DOCK5: variants seen among roughly 807,000 people sequenced by gnomAD.
DOCK5 encodes dedicator of cytokinesis protein 5.
DOCK5 carries 142 observed loss-of-function variants against 251.8 expected under a neutral mutation model. That is an observed-to-expected ratio of 0.56 (90% confidence interval 0.49 to 0.65). The LOEUF (loss-of-function observed/expected upper bound fraction) is 0.65. Among genes scored for constraint, DOCK5 ranks in the 30% least tolerant of loss-of-function variants. DOCK5 has a pLI of 0.00. For synonymous variants in DOCK5, 842 were observed against 835.5 expected, an observed-to-expected ratio of 1.01 and a Z score of -0.13; for missense variants, 2,111 against 2,312.3, an observed-to-expected ratio of 0.91 and a Z score of 1.79.
chr8:25,360,610 G>C (rs1214334050), intron 28 of DOCK5, among the ~76,000 whole-genome samples: 1 of 152,184 alleles, frequency 6.6e-6, no homozygotes, highest in East Asian at 1.9e-4. Context: ...CTCCTCATCT[G>C]TAAGATAGTA....
chr8:25,377,117 T>C (rs1800976331), intron 37 of DOCK5, among the ~76,000 whole-genome samples, 188 bp from the exon 38 acceptor site: 1 of 152,248 alleles, frequency 6.6e-6, no homozygotes, highest in Admixed American at 6.5e-5. Context: ...CTGTGAGTGC[T>C]CCTTCATTTG....
At chr8:25,226,686 C>T (rs1000288510) in intron 1 of DOCK5, among the ~76,000 whole-genome samples, 3 of 149,974 alleles carry the variant, frequency 2.0e-5, no homozygotes, top group Non-Finnish European at 3.0e-5. Context: ...CCTGGGTTCA[C>T]GCCACTCTCC....
At chr8:25,243,613 G>A in intron 1 of DOCK5, 61 bp from the exon 2 acceptor site, 2 of 1,512,814 alleles carry the variant, frequency 1.3e-6, no homozygotes, top group Non-Finnish European at 1.8e-6. Flanking sequence ...ATAGGCGTGA[G>A]CCACCGTGCC....
intron 44 of DOCK5, 74 bp downstream of exon 44, chr8:25,392,956 C>T: frequency 7.6e-7 from 1 of 1,315,296 alleles, no homozygotes; most frequent in South Asian, 1.3e-5. Context: ...TGTTGAATTC[C>T]CTCTGCAGTT....
At chr8:25,300,421 C>T (rs1409412448) in intron 8 of DOCK5, among the ~76,000 whole-genome samples, 155 bp from the exon 9 acceptor site, 1 of 152,104 alleles carries the variant, frequency 6.6e-6, no homozygotes, top group Non-Finnish European at 1.5e-5. Flanking sequence ...CTGTGTGGTC[C>T]CAGTTCCCAA....
rs1801663048 is a variant in DOCK5 at position 25,413,376 on chromosome 8, ATTAT to A, written c.*2083_*2086del. 6.6e-6 allele frequency: 1 copy of A among 151,548 alleles called. No homozygotes were observed. The highest frequency in any genetic ancestry group is 2.4e-5 in the African/African-American group (1 of 41,136). 9.4% of individuals were successfully genotyped at this position (151,548 alleles called of 1,614,324 possible). ...GGTTTCCTTTGAGGTCTTTTACATG[ATTAT>A]TTATGACTAGAGACAAACTTAATAA... On this transcript the variant is annotated 3_prime_UTR_variant, in exon 52 of 52. Coordinates refer to ENST00000276440, the MANE Select transcript of DOCK5 (RefSeq NM_024940.8).
intron 2 of DOCK5, among the ~76,000 whole-genome samples, chr8:25,249,560 T>G (rs1311467192): frequency 2.0e-5 from 3 of 152,144 alleles, no homozygotes; most frequent in Non-Finnish European, 2.9e-5. Flanking sequence ...TATGTGGTCT[T>G]TTGTGACTGG....
chr8:25,342,826 G>A (rs1800266156), intron 25 of DOCK5, among the ~76,000 whole-genome samples: 2 of 53,478 alleles, frequency 3.7e-5, no homozygotes, highest in Admixed American at 2.9e-4. Context: ...AGCCTCCCAA[G>A]TAGCTGGGAC....
At position 25,292,148 on chromosome 8, in the gene DOCK5, C is replaced by T. The variant is rs763451411; in HGVS notation, c.446C>T (p.Thr149Ile). ...CTGGCAGAGCTCAAGAAGAAAGTCA[C>T]AGCCAAAATTGATCATGGGAACAGG... ...DELAELKKKV[T>I]AKIDHGNRML... The change falls in exon 6 of 52, where the codon ACA becomes ATA. Residue 149 changes from threonine to isoleucine, a missense_variant. Thr to Ile is a moderately conservative substitution (Grantham distance 89). Coordinates refer to ENST00000276440, the MANE Select transcript of DOCK5 (RefSeq NM_024940.8). 2 of 1,581,086 alleles carry T rather than the reference C, an allele frequency of 1.3e-6. No homozygotes were observed. Among genetic ancestry groups the T allele is most frequent in the Non-Finnish European group, 1.7e-6 (2 of 1,165,212 alleles).
In DOCK5 at chr8:25,366,793, A is replaced by G. The variant is rs1007481780; in HGVS notation, c.3124-77A>G. 2.8e-6 allele frequency: 3 copies of G among 1,077,370 alleles called. 1 individual carries two copies. Among genetic ancestry groups the G allele is most frequent in the South Asian group, 1.4e-5 (1 of 69,338 alleles). 66.7% of individuals were successfully genotyped at this position (1,077,370 alleles called of 1,614,324 possible). A position where few individuals can be genotyped will look rare whatever the true frequency, so the allele number is the denominator to read the frequency against. On this transcript the variant is annotated intron_variant, in intron 30 of 51. Transcript: ENST00000276440. Reference sequence around the variant, plus strand: ...AATCTCTTGTTAATGACTTTTTACCATGTGACATTGTTTTATTATGGCCCT... The same window carrying G: ...AATCTCTTGTTAATGACTTTTTACCGTGTGACATTGTTTTATTATGGCCCT...
Position 25,359,057 on chromosome 8 carries a change from T to A in DOCK5, c.2945T>A (p.Ile982Asn). The change falls in exon 28 of 52, where the codon ATC (isoleucine) becomes AAC (asparagine). Residue 982 changes from isoleucine to asparagine, a missense_variant. Physicochemically the swap from Ile to Asn is moderately radical, Grantham distance 149. Around this residue, in one of 3 missense-constraint regions of DOCK5, gnomAD observed 1,717 missense variants for 1,892.4 expected, o/e 0.91. Coordinates refer to ENST00000276440, the MANE Select transcript of DOCK5 (RefSeq NM_024940.8). ...YISTFKTRQD[I>N]IDFLMETFIM... ...AGCACTTTCAAAACCAGACAAGACA[T>A]CATCGTAAGTTGCCTTTACTGGTCC... The A allele has an allele frequency of 1.2e-6, 2 of 1,613,696 alleles. No homozygotes were observed. The highest frequency in any genetic ancestry group is 1.7e-6 in the Non-Finnish European group (2 of 1,179,644).
In DOCK5 at chr8:25,302,454, G is replaced by C; in HGVS notation, c.976G>C (p.Val326Leu). 1 of 1,553,178 alleles carries C rather than the reference G, an allele frequency of 6.4e-7. No individual in the cohort carries two copies. The highest frequency in any genetic ancestry group is 1.2e-5 in the South Asian group (1 of 83,638). ...ACTCCGAAGACCTTTTGGAGTGGCAGGTACAAGAGAGACCCAGAGACAAAT... is the reference window on the plus strand; with the variant it reads ...ACTCCGAAGACCTTTTGGAGTGGCACGTACAAGAGAGACCCAGAGACAAAT... ...CGLRRPFGVA[V>L]MDITDIIHGK... The change falls in exon 10 of 52, where the codon GTG becomes CTG. Residue 326 changes from valine to leucine, a missense_variant and splice_region_variant. Val to Leu is a conservative substitution (Grantham distance 32, BLOSUM62 1). This residue lies in a region of DOCK5 where 59 missense variants were observed against 95.0 expected (regional missense o/e 0.62). Transcript: ENST00000276440.
intron 28 of DOCK5, among the ~76,000 whole-genome samples, chr8:25,361,331 C>T (rs1228980788): frequency 2.0e-5 from 3 of 152,014 alleles, no homozygotes; most frequent in Non-Finnish European, 2.9e-5. Context: ...ATAATGAGGC[C>T]GGATGTGGTG....
At chr8:25,196,286 G>A (rs1411078800) in intron 1 of DOCK5, among the ~76,000 whole-genome samples, 1 of 152,186 alleles carries the variant, frequency 6.6e-6, no homozygotes, top group Non-Finnish European at 1.5e-5. Flanking sequence ...GAGTTTAGGA[G>A]GTTCTGAGTC....
chr8:25,201,948 T>G (rs1801888610), intron 1 of DOCK5, among the ~76,000 whole-genome samples: 1 of 152,180 alleles, frequency 6.6e-6, no homozygotes, highest in Non-Finnish European at 1.5e-5. Flanking sequence ...ATTTTTGATT[T>G]TAGAGCCTTA....
chr8:25,225,765 G>A (rs1802516594), intron 1 of DOCK5, among the ~76,000 whole-genome samples: 1 of 151,764 alleles, frequency 6.6e-6, no homozygotes, highest in Admixed American at 6.6e-5. Context: ...CCTTGAGGAC[G>A]TTATGCTAAG....
intron 16 of DOCK5, among the ~76,000 whole-genome samples, chr8:25,321,505 C>T (rs941214069): frequency 6.6e-5 from 10 of 152,150 alleles, no homozygotes; most frequent in African/African-American, 1.2e-4. Flanking sequence ...TTTCCTGCAA[C>T]GAGACAGTTC....
At chr8:25,349,763 G>A (rs369669252) in intron 26 of DOCK5, among the ~76,000 whole-genome samples, 48 of 152,118 alleles carry the variant, frequency 3.2e-4, no homozygotes, top group Admixed American at 9.2e-4. Flanking sequence ...TGGACTTTCC[G>A]GGGAAAGGCT....
chr8:25,315,181 T>G (rs2117190738), intron 13 of DOCK5, among the ~76,000 whole-genome samples: 1 of 140,916 alleles, frequency 7.1e-6, no homozygotes, highest in East Asian at 2.1e-4. Context: ...CTGACTTATA[T>G]CTGTCTCTGC....
Sources: gnomAD v4.1 joint callset for allele counts (sites outside exome capture counted in the v4.1 genomes callset) on GRCh38, gnomAD v4.1.1 for gene constraint, gnomAD v4.1.1 regional missense constraint, MANE v1.5 for transcripts, NCBI Gene and HGNC (gene_info 2026-07-23, HGNC 2026-07-21) for gene names.